Variants in FMN1 observed in about 807,000 individuals in gnomAD.
The protein encoded by FMN1 is formin 1, also known as formin-1.
A neutral mutation model predicts 132.4 loss-of-function variants in FMN1; 110 were observed. The observed-to-expected ratio is 0.83, with a 90% CI of 0.71 to 0.97. The LOEUF (loss-of-function observed/expected upper bound fraction) is 0.97, where lower values mean the gene tolerates loss of function less well. Ranked by LOEUF, FMN1 falls within the 50% of genes least tolerant of loss-of-function variation. The pLI is 0.00. For missense variants in FMN1, 1,792 were observed against 1,705.3 expected, an observed-to-expected ratio of 1.05 and a Z score of -0.90; for synonymous variants, 722 against 651.7, an observed-to-expected ratio of 1.11 and a Z score of -1.64.
chr15:32,965,507 A>G (rs1206697679), intron 8 of FMN1, among the ~76,000 whole-genome samples: 4 of 152,244 alleles, frequency 2.6e-5, no homozygotes, highest in Admixed American at 2.6e-4. Context: ...CTAAAAGTAT[A>G]TAGCTTTATT....
chr15:33,065,343 T>C (rs752371479), intron 5 of FMN1, among the ~76,000 whole-genome samples: 1 of 152,196 alleles, frequency 6.6e-6, no homozygotes, highest in Non-Finnish European at 1.5e-5. Flanking sequence ...ATTTTTATTA[T>C]ATAATTATTT....
chr15:32,800,374 C>A (rs1338561971), intron 18 of FMN1, among the ~76,000 whole-genome samples: 1 of 152,176 alleles, frequency 6.6e-6, no homozygotes. Context: ...TCCAAACATA[C>A]ATAATGTTGA....
chr15:32,961,280 C>T (rs1044208574), intron 9 of FMN1, among the ~76,000 whole-genome samples: 2 of 151,702 alleles, frequency 1.3e-5, no homozygotes, highest in Non-Finnish European at 1.5e-5. Flanking sequence ...ATTACAGGCG[C>T]CCGCCACCAC....
chr15:33,137,839 C>G (rs1055809442), intron 4 of FMN1, among the ~76,000 whole-genome samples: 3 of 152,172 alleles, frequency 2.0e-5, no homozygotes, highest in African/African-American at 7.2e-5. Context: ...AACTCATCCC[C>G]TGTTACAAGG....
intron 4 of FMN1, among the ~76,000 whole-genome samples, chr15:33,125,693 G>A (rs1388356259): frequency 8.1e-6 from 1 of 123,260 alleles, no homozygotes; most frequent in African/African-American, 3.4e-5. Flanking sequence ...ACAAAAATTA[G>A]TCAGGTGTCT....
chr15:32,942,303 G>C (rs575282535), intron 9 of FMN1, among the ~76,000 whole-genome samples: 8 of 152,296 alleles, frequency 5.3e-5, no homozygotes, highest in African/African-American at 1.9e-4. Flanking sequence ...AAAATGGGAA[G>C]ACAGATTTGC....
chr15:32,858,585 T>A (rs1355346566), intron 16 of FMN1, among the ~76,000 whole-genome samples: 1 of 152,216 alleles, frequency 6.6e-6, no homozygotes, highest in Non-Finnish European at 1.5e-5. Flanking sequence ...TTTATAGAGC[T>A]ATCTAGAATA....
intron 7 of FMN1, among the ~76,000 whole-genome samples, chr15:32,991,162 A>C (rs2033411159): frequency 6.6e-6 from 1 of 152,180 alleles, no homozygotes; most frequent in East Asian, 1.9e-4. Flanking sequence ...TATAGCCCAT[A>C]GACAAAGGCC....
In FMN1 at chr15:32,948,760, G is replaced by C. The variant is rs533728642; in HGVS notation, c.3138+15347C>G. Among the ~76,000 whole-genome samples the C allele has an allele frequency of 4.0e-5, 6 of 151,816 alleles. No homozygotes were observed. The East Asian group carries it at 1.2e-3, about 29-fold the overall frequency. ...CTTGTTTTGCTCAATCTTGCAAAAA[G>C]TTTTTGAATGTTATTCTTTTTTTTC... On this transcript the variant is annotated intron_variant, in intron 9 of 20. Coordinates refer to ENST00000616417, the MANE Select transcript of FMN1 (RefSeq NM_001277313.2).
chr15:33,071,895 C>A (rs1403372984), intron 5 of FMN1, among the ~76,000 whole-genome samples: 1 of 152,194 alleles, frequency 6.6e-6, no homozygotes, highest in Admixed American at 6.5e-5. Context: ...ATAGTAATCA[C>A]TTCTCTTGGA....
intron 2 of FMN1, among the ~76,000 whole-genome samples, chr15:33,185,598 G>GTTTTTTTT (rs1965857336): frequency 1.1e-5 from 1 of 93,816 alleles, no homozygotes; most frequent in African/African-American, 7.7e-5. Context: ...TTTACACAGA[G>GTTTTTTTT]TTTCACTCTT....
chr15:32,841,727 A>T (rs539962008), intron 17 of FMN1, among the ~76,000 whole-genome samples: 1 of 152,202 alleles, frequency 6.6e-6, no homozygotes, highest in Non-Finnish European at 1.5e-5. Flanking sequence ...TAACACAGAG[A>T]GTGATTCAGG....
chr15:33,045,554 G>A (rs1596542767), intron 6 of FMN1, among the ~76,000 whole-genome samples: 1 of 152,334 alleles, frequency 6.6e-6, no homozygotes, highest in East Asian at 1.9e-4. Context: ...ATGGACTTAT[G>A]TTTTGAGCTA....
At chr15:33,106,221 A>G (rs1341261037) in intron 4 of FMN1, 1 of 151,932 alleles carries the variant, frequency 6.6e-6, no homozygotes, top group African/African-American at 2.4e-5. Context: ...GCTTCTTAAC[A>G]TACCATAATG....
chr15:33,067,962 TCTTAA>T, intron 5 of FMN1: 2 of 1,513,860 alleles, frequency 1.3e-6, no homozygotes, highest in Non-Finnish European at 1.8e-6. Flanking sequence ...CTCCATCTGC[TCTTAA>T]TTTACAGGAC....
At chr15:32,811,768 G>A (rs932917085) in intron 17 of FMN1, among the ~76,000 whole-genome samples, 6 of 151,816 alleles carry the variant, frequency 4.0e-5, no homozygotes, top group African/African-American at 1.2e-4. Flanking sequence ...GGGTTCAAGC[G>A]ATTCTCCTGC....
At chr15:33,058,750 T>C (rs955791214) in intron 6 of FMN1, among the ~76,000 whole-genome samples, 1 of 152,198 alleles carries the variant, frequency 6.6e-6, no homozygotes, top group South Asian at 2.1e-4. Flanking sequence ...TAATTTGTAA[T>C]AACCTGCATA....
At chr15:33,047,684 G>T (rs1380930004) in intron 6 of FMN1, among the ~76,000 whole-genome samples, 1 of 152,160 alleles carries the variant, frequency 6.6e-6, no homozygotes, top group Non-Finnish European at 1.5e-5. Context: ...AAATGACTTT[G>T]AAGACTCCCA....
intron 17 of FMN1, among the ~76,000 whole-genome samples, chr15:32,818,233 G>A: frequency 6.6e-6 from 1 of 151,674 alleles, no homozygotes; most frequent in East Asian, 1.9e-4. Context: ...TAAAGGTATA[G>A]GTATAGGTCA....
Sources: allele counts gnomAD v4.1 joint callset (sites outside exome capture counted in the v4.1 genomes callset), GRCh38; gene constraint gnomAD v4.1.1; transcripts MANE v1.5; gene names NCBI Gene and HGNC (gene_info 2026-07-23, HGNC 2026-07-21).